The following CCSER1 variants were observed in gnomAD, a reference collection of about 807,000 sequenced individuals.
CCSER1 encodes the protein serine-rich coiled-coil domain-containing protein 1.
In CCSER1, 41 loss-of-function variants were observed where a neutral mutation model predicts 82.0. The ratio of observed to expected loss-of-function variants is 0.50; its 90% confidence interval spans 0.39 to 0.65. The LOEUF is 0.65. CCSER1 is among the 30% of genes least tolerant of loss of function. The probability of loss-of-function intolerance (pLI) is 0.00; values close to 1 mark genes in which losing one functional copy is unlikely to be tolerated. For synonymous variants in CCSER1, 414 were observed against 383.9 expected, an observed-to-expected ratio of 1.08 and a Z score of -0.92; for missense variants, 1,119 against 1,064.2, an observed-to-expected ratio of 1.05 and a Z score of -0.72.
Position 90,820,559 on chromosome 4 carries a change from G to C in CCSER1, c.2094+4714G>C, listed in dbSNP as rs534157768. ...ATATACATGACATGGAAGCCTTCACGAGCTAAACATCTCTCCATAGGTGGC... is the reference window on the plus strand; with the variant it reads ...ATATACATGACATGGAAGCCTTCACCAGCTAAACATCTCTCCATAGGTGGC... On this transcript the variant is annotated intron_variant, in intron 8 of 10. Coordinates refer to ENST00000509176, the MANE Select transcript of CCSER1 (RefSeq NM_001145065.2). Among the ~76,000 whole-genome samples the C allele has an allele frequency of 5.3e-5, 8 of 152,140 alleles. No homozygotes were observed. In the South Asian group the frequency reaches 1.7e-3, roughly 32 times the overall value.
rs530984499 is a variant in CCSER1 at position 91,422,831 on chromosome 4, A to T, written c.2218-175741A>T. ...TTTTTAAAACAGCAGGTATAGCTCA[A>T]GTTCTATAACAGTAAAGCAGCTGGT... On this transcript the variant is annotated intron_variant, in intron 10 of 10. Transcript: ENST00000509176. 2.0e-5 allele frequency among the ~76,000 whole-genome samples: 3 copies of T among 152,334 alleles called. No homozygotes were observed. In the East Asian group the frequency reaches 5.8e-4, roughly 29 times the overall value.
chr4:90,235,595 T>C (rs1349390064), intron 1 of CCSER1, among the ~76,000 whole-genome samples: 1 of 152,156 alleles, frequency 6.6e-6, no homozygotes, highest in Non-Finnish European at 1.5e-5. Context: ...ACATATAAAT[T>C]TATACTTAGT....
At chr4:91,002,682 G>T (rs1198579600) in intron 9 of CCSER1, among the ~76,000 whole-genome samples, 3 of 151,432 alleles carry the variant, frequency 2.0e-5, no homozygotes, top group Non-Finnish European at 2.9e-5. Context: ...TCTTAGATTG[G>T]GCTTTGCCTT....
chr4:91,141,126 T>C (rs535716907), intron 10 of CCSER1, among the ~76,000 whole-genome samples: 50 of 152,158 alleles, frequency 3.3e-4, no homozygotes, highest in Admixed American at 3.2e-3. Flanking sequence ...GCTCCATCCA[T>C]GTTGCTGCAA....
At chr4:90,970,855 A>G (rs1010360365) in intron 9 of CCSER1, among the ~76,000 whole-genome samples, 4 of 151,964 alleles carry the variant, frequency 2.6e-5, no homozygotes, top group Admixed American at 6.6e-5. Context: ...AAGGGAAATA[A>G]CTTGAGAGAA....
chr4:90,838,855 A>G, intron 8 of CCSER1: 1 of 1,609,364 alleles, frequency 6.2e-7, no homozygotes, highest in Non-Finnish European at 8.5e-7. Flanking sequence ...TAAAATAAGA[A>G]GGCAATGCTT....
chr4:90,510,528 C>G lies in CCSER1; in HGVS notation c.1724+42174C>G, dbSNP rs144255733. On this transcript the variant is annotated intron_variant, in intron 5 of 10. Coordinates refer to ENST00000509176, the MANE Select transcript of CCSER1 (RefSeq NM_001145065.2). ...GAGACAAAGAAATGAGAAGTTATAA[C>G]TAGGCAAGTCCTGGACTTCAACGTT... Among the ~76,000 whole-genome samples the G allele has an allele frequency of 4.6e-5, 7 of 152,318 alleles. No individual in the cohort carries two copies. In the East Asian group the frequency reaches 1.3e-3, roughly 29 times the overall value.
At chr4:90,539,901 T>G (rs1201981732) in intron 5 of CCSER1, among the ~76,000 whole-genome samples, 1 of 152,038 alleles carries the variant, frequency 6.6e-6, no homozygotes, top group African/African-American at 2.4e-5. Flanking sequence ...TAGTAGTAAT[T>G]TACTTGAATG....
chr4:91,208,915 T>C (rs752435819), intron 10 of CCSER1, among the ~76,000 whole-genome samples: 4 of 151,802 alleles, frequency 2.6e-5, no homozygotes, highest in Non-Finnish European at 5.9e-5. Flanking sequence ...ATTGTTATTG[T>C]AGATATTTTT....
intron 9 of CCSER1, among the ~76,000 whole-genome samples, chr4:91,076,552 T>G (rs1480834339): frequency 1.3e-5 from 2 of 152,192 alleles, no homozygotes; most frequent in East Asian, 3.9e-4. Flanking sequence ...GGTTTAAGTT[T>G]TATTTTATGC....
chr4:90,838,869 G>GA (rs1762168738), intron 8 of CCSER1: 1 of 1,611,296 alleles, frequency 6.2e-7, no homozygotes. Context: ...AATGCTTGTG[G>GA]AATGTACAGT....
intron 7 of CCSER1, among the ~76,000 whole-genome samples, chr4:90,762,256 G>A (rs1476018857): frequency 6.6e-6 from 1 of 152,032 alleles, no homozygotes; most frequent in Non-Finnish European, 1.5e-5. Context: ...CCTTCTATTT[G>A]ACACTTCTCC....
intron 10 of CCSER1, among the ~76,000 whole-genome samples, chr4:91,183,272 A>G (rs1171585740): frequency 6.6e-6 from 1 of 152,224 alleles, no homozygotes; most frequent in Non-Finnish European, 1.5e-5. Context: ...AGAAGTCAAT[A>G]TCTCAATTAC....
chr4:91,052,365 G>T (rs1488123089), intron 9 of CCSER1, among the ~76,000 whole-genome samples: 1 of 152,042 alleles, frequency 6.6e-6, no homozygotes, highest in East Asian at 1.9e-4. Flanking sequence ...TTAGGTTCAT[G>T]ATCATTGTTT....
At chr4:90,883,358 A>C (rs1229822205) in intron 8 of CCSER1, among the ~76,000 whole-genome samples, 1 of 152,064 alleles carries the variant, frequency 6.6e-6, no homozygotes, top group Non-Finnish European at 1.5e-5. Flanking sequence ...ATATTTACTA[A>C]AAATGGTACA....
chr4:91,281,366 C>T (rs1260022276), intron 10 of CCSER1, among the ~76,000 whole-genome samples: 1 of 152,162 alleles, frequency 6.6e-6, no homozygotes. Flanking sequence ...TGGAATTTCT[C>T]ATTGTAAAAG....
At chr4:91,585,309 A>T (rs7671479) in intron 10 of CCSER1, among the ~76,000 whole-genome samples, 6,736 of 151,442 alleles carry the variant, frequency 0.044, 323 homozygotes, top group African/African-American at 0.12. Flanking sequence ...AGATAGCCCC[A>T]TATATGATCC....
chr4:91,226,961 A>C (rs1364410756), intron 10 of CCSER1, among the ~76,000 whole-genome samples: 1 of 151,886 alleles, frequency 6.6e-6, no homozygotes, highest in Non-Finnish European at 1.5e-5. Flanking sequence ...TAATATTTAG[A>C]GTTAAAGGAT....
chr4:90,637,111 A>G (rs1379658819), intron 6 of CCSER1, among the ~76,000 whole-genome samples: 1 of 152,092 alleles, frequency 6.6e-6, no homozygotes, highest in African/African-American at 2.4e-5. Flanking sequence ...GTAGTTACCT[A>G]TGGGTTATGG....
Sources: allele counts gnomAD v4.1 joint callset (sites outside exome capture counted in the v4.1 genomes callset), GRCh38; gene constraint gnomAD v4.1.1; transcripts MANE v1.5; gene names NCBI Gene and HGNC (gene_info 2026-07-23, HGNC 2026-07-21).